The following CD274 variants were observed in gnomAD, a reference collection of about 807,000 sequenced individuals.
CD274 encodes programmed cell death 1 ligand 1.
Under a neutral mutation model 30.1 loss-of-function variants are expected in CD274, and 8 were observed. That is an observed-to-expected ratio of 0.27 (90% confidence interval 0.16 to 0.48). The LOEUF (loss-of-function observed/expected upper bound fraction) is 0.48. Among genes scored for constraint, CD274 ranks in the 20% least tolerant of loss-of-function variants. The pLI is 0.99. For missense variants in CD274, 353 were observed against 346.6 expected, an observed-to-expected ratio of 1.02 and a Z score of -0.15; for synonymous variants, 152 against 124.6, an observed-to-expected ratio of 1.22 and a Z score of -1.46.
chr9:5,461,427 A>G (rs1231074914), intron 3 of CD274, among the ~76,000 whole-genome samples: 1 of 152,192 alleles, frequency 6.6e-6, no homozygotes. Flanking sequence ...TTTTGAAATC[A>G]TAATTTTATT....
At chr9:5,464,470 A>T (rs1819462896) in intron 4 of CD274, among the ~76,000 whole-genome samples, 1 of 152,290 alleles carries the variant, frequency 6.6e-6, no homozygotes, top group East Asian at 1.9e-4. Flanking sequence ...AAGATGGATC[A>T]TGGGTCTCAG....
intron 1 of CD274, among the ~76,000 whole-genome samples, chr9:5,451,105 G>C (rs1819194870): frequency 6.6e-6 from 1 of 152,196 alleles, no homozygotes; most frequent in African/African-American, 2.4e-5. Flanking sequence ...AAAGAGGAAT[G>C]GAGGAGCCTA....
At chr9:5,466,660 A>T in intron 5 of CD274, 110 bp from the exon 6 acceptor site, 1 of 767,480 alleles carries the variant, frequency 1.3e-6, no homozygotes, top group East Asian at 2.5e-5. Flanking sequence ...TGTCCACCAG[A>T]CTTCCTAGGG....
In CD274 at chr9:5,469,381, C is replaced by T. The variant is rs1819549469; in HGVS notation, c.*1519C>T. On this transcript the variant is annotated 3_prime_UTR_variant, in exon 7 of 7. Coordinates refer to ENST00000381577, the MANE Select transcript of CD274 (RefSeq NM_014143.4). The stretch of plus-strand genomic sequence containing the variant: ...ATGGTTGGAAAATCTCCACTTCATC[C>T]TCCAAGCCATTCAAGTTTCCTTTCC... 4.3e-6 allele frequency: 1 copy of T among 232,522 alleles called. No homozygotes were observed. Among genetic ancestry groups the T allele is most frequent in the Non-Finnish European group, 8.5e-6 (1 of 117,604 alleles). The allele number at this position is 232,522 out of a possible 1,614,324, so 14.4% of individuals were successfully genotyped here. A position where few individuals can be genotyped will look rare whatever the true frequency, so the allele number is the denominator to read the frequency against.
intron 1 of CD274, among the ~76,000 whole-genome samples, chr9:5,451,564 C>G (rs1362373408): frequency 6.6e-6 from 1 of 152,160 alleles, no homozygotes; most frequent in African/African-American, 2.4e-5. Context: ...TGACAGTCGT[C>G]AACAGTATTT....
At chr9:5,454,980 G>T (rs555959600) in intron 1 of CD274, among the ~76,000 whole-genome samples, 1 of 151,930 alleles carries the variant, frequency 6.6e-6, no homozygotes, top group South Asian at 2.1e-4. Context: ...TTCCTCATGG[G>T]TTATGTGTAG....
intron 1 of CD274, 142 bp downstream of exon 1, chr9:5,450,738 G>T (rs937416272): frequency 6.6e-6 from 1 of 152,340 alleles, no homozygotes; most frequent in Non-Finnish European, 1.5e-5. Context: ...GGTCTAGGGG[G>T]CAGTAGAGCC....
chr9:5,462,723 C>G (rs1819425896), intron 3 of CD274, 111 bp from the exon 4 acceptor site: 1 of 939,274 alleles, frequency 1.1e-6, no homozygotes, highest in African/African-American at 1.7e-5. Flanking sequence ...TTAAGCATAT[C>G]CCTCTGAGAA....
intron 1 of CD274, among the ~76,000 whole-genome samples, chr9:5,453,872 C>T (rs1218024536): frequency 6.6e-6 from 1 of 152,142 alleles, no homozygotes; most frequent in Non-Finnish European, 1.5e-5. Context: ...TTGGCCTCTG[C>T]CCCTAGATAG....
chr9:5,463,681 C>A (rs967650432), intron 4 of CD274, among the ~76,000 whole-genome samples: 1 of 151,714 alleles, frequency 6.6e-6, no homozygotes, highest in African/African-American at 2.4e-5. Flanking sequence ...CTCTAGCAGT[C>A]TGCTTAGTGC....
chr9:5,452,375 T>C (rs148937318), intron 1 of CD274, among the ~76,000 whole-genome samples: 66 of 152,304 alleles, frequency 4.3e-4, no homozygotes, highest in African/African-American at 1.6e-3. Context: ...GATAGAGAAG[T>C]AGTATTAGTT....
chr9:5,469,502 TC>T lies in CD274; in HGVS notation c.*1642del. On this transcript the variant is annotated 3_prime_UTR_variant, in exon 7 of 7. Transcript: ENST00000381577. ...AAAGCACGTATTTTTAAAATTTTTT[TC>T]CTAAATAGTAACACATTGTATGTCT... 1 of 231,196 alleles carries T rather than the reference TC, an allele frequency of 4.3e-6. No individual in the cohort carries two copies. The highest frequency in any genetic ancestry group is 8.6e-6 in the Non-Finnish European group (1 of 116,812). The allele number at this position is 231,196 out of a possible 1,614,324, so 14.3% of individuals were successfully genotyped here. A position where few individuals can be genotyped will look rare whatever the true frequency, so the allele number is the denominator to read the frequency against.
At chr9:5,465,443 T>C (rs1819480846) in intron 4 of CD274, 56 bp from the exon 5 acceptor site, 1 of 1,016,152 alleles carries the variant, frequency 9.8e-7, no homozygotes. Flanking sequence ...TCCTGACCCC[T>C]TCCCATCAAA....
intron 3 of CD274, among the ~76,000 whole-genome samples, chr9:5,462,076 C>T (rs1287507247): frequency 6.6e-6 from 1 of 152,152 alleles, no homozygotes; most frequent in African/African-American, 2.4e-5. Context: ...TATACAGTAA[C>T]TCTATACTAT....
chr9:5,468,539 T>C lies in CD274; in HGVS notation c.*677T>C, dbSNP rs2131237006. The C allele has an allele frequency of 4.3e-6, 1 of 233,068 alleles. No homozygotes were observed. 14.4% of individuals were successfully genotyped at this position (233,068 alleles called of 1,614,324 possible). A position where few individuals can be genotyped will look rare whatever the true frequency, so the allele number is the denominator to read the frequency against. The stretch of plus-strand genomic sequence containing the variant: ...GGAAGCATAAAGATCAAACCGTTGG[T>C]TGCATAGGATGTCACCTTTATTTAA... On this transcript the variant is annotated 3_prime_UTR_variant, in exon 7 of 7. Transcript: ENST00000381577.
At chr9:5,459,400 G>A (rs1819364052) in intron 3 of CD274, among the ~76,000 whole-genome samples, 1 of 152,204 alleles carries the variant, frequency 6.6e-6, no homozygotes, top group Admixed American at 6.5e-5. Flanking sequence ...CTGAGGCCGT[G>A]TCTCCAATGG....
At chr9:5,466,326 A>G (rs144902195) in intron 5 of CD274, among the ~76,000 whole-genome samples, 321 of 152,348 alleles carry the variant, frequency 2.1e-3, no homozygotes, top group African/African-American at 7.6e-3. Context: ...GCTGTTTCCA[A>G]AAATTATATT....
At chr9:5,463,752 C>A (rs1481916175) in intron 4 of CD274, among the ~76,000 whole-genome samples, 2 of 152,096 alleles carry the variant, frequency 1.3e-5, no homozygotes, top group African/African-American at 4.8e-5. Flanking sequence ...CTTCACTTTC[C>A]CTGTAGGATT....
rs2131236341 is a variant in CD274, at chr9:5,468,112, T to C, written c.*250T>C. 3.9e-6 allele frequency: 2 copies of C among 517,946 alleles called. No homozygotes were observed. The highest frequency in any genetic ancestry group is 6.9e-6 in the Non-Finnish European group (2 of 290,630). 32.1% of individuals were successfully genotyped at this position (517,946 alleles called of 1,614,324 possible). ...AATGCCTGAGGGGCTCATCGACGCC[T>C]GTGACAGGGAGAAAGGATACTTCTG... On this transcript the variant is annotated 3_prime_UTR_variant, in exon 7 of 7. Coordinates refer to ENST00000381577, the MANE Select transcript of CD274 (RefSeq NM_014143.4).
Sources: gnomAD v4.1 joint callset for allele counts (sites outside exome capture counted in the v4.1 genomes callset) on GRCh38, gnomAD v4.1.1 for gene constraint, MANE v1.5 for transcripts, NCBI Gene and HGNC (gene_info 2026-07-23, HGNC 2026-07-21) for gene names.